Variants in SCFD2 observed in about 807,000 individuals in gnomAD.
SCFD2 encodes sec1 family domain containing 2.
In SCFD2, 54 loss-of-function variants were observed where a neutral mutation model predicts 58.9. That is an observed-to-expected ratio of 0.92 (90% CI 0.74 to 1.15). SCFD2 has a LOEUF of 1.15. SCFD2 is among the 50% of genes most tolerant of loss of function. The pLI, the probability that SCFD2 is intolerant of heterozygous loss-of-function variation, is 0.00. For synonymous variants in SCFD2, 321 were observed against 335.9 expected (o/e 0.96, Z 0.49); for missense variants, 805 against 836.6 (o/e 0.96, Z 0.47).
chr4:53,146,779 AG>A (rs1357558031), intron 4 of SCFD2, among the ~76,000 whole-genome samples: 2 of 152,184 alleles, frequency 1.3e-5, no homozygotes, highest in Non-Finnish European at 2.9e-5. Flanking sequence ...TAAAACTTTT[AG>A]TATAGTATAT....
At chr4:53,118,470 G>A (rs1358625572) in intron 5 of SCFD2, among the ~76,000 whole-genome samples, 1 of 152,160 alleles carries the variant, frequency 6.6e-6, no homozygotes, top group African/African-American at 2.4e-5. Flanking sequence ...TCAAATATTT[G>A]TATCAGAAAA....
chr4:52,987,982 C>G (rs1035322385), intron 5 of SCFD2, among the ~76,000 whole-genome samples: 2 of 152,160 alleles, frequency 1.3e-5, no homozygotes, highest in African/African-American at 4.8e-5. Context: ...CAGGTTGAAA[C>G]GTCTGCGAAG....
At chr4:52,887,657 G>A (rs538526842) in intron 7 of SCFD2, among the ~76,000 whole-genome samples, 58 of 152,288 alleles carry the variant, frequency 3.8e-4, no homozygotes, top group Middle Eastern at 6.8e-3. Context: ...AGCTGCCTGC[G>A]TGGCCACCAA....
At chr4:53,227,296 T>G (rs144577787) in intron 4 of SCFD2, among the ~76,000 whole-genome samples, 297 of 152,220 alleles carry the variant, frequency 2.0e-3, no homozygotes, top group Non-Finnish European at 3.5e-3. Flanking sequence ...AAAATAAATT[T>G]TAAAGAGGAA....
intron 5 of SCFD2, among the ~76,000 whole-genome samples, chr4:53,005,212 C>A (rs527627603): frequency 6.6e-6 from 1 of 152,106 alleles, no homozygotes; most frequent in Non-Finnish European, 1.5e-5. Flanking sequence ...GATTTCTACT[C>A]TTAACTTTGG....
chr4:53,013,897 T>C (rs1722153498), intron 5 of SCFD2, among the ~76,000 whole-genome samples: 1 of 152,208 alleles, frequency 6.6e-6, no homozygotes, highest in Non-Finnish European at 1.5e-5. Context: ...TCCCATCTTA[T>C]GAAAAGGCTT....
intron 4 of SCFD2, among the ~76,000 whole-genome samples, chr4:53,245,381 C>A (rs955794096): frequency 6.6e-6 from 1 of 152,064 alleles, no homozygotes; most frequent in African/African-American, 2.4e-5. Flanking sequence ...AAACTGAATC[C>A]AGAATTACAT....
intron 5 of SCFD2, among the ~76,000 whole-genome samples, chr4:53,080,115 C>G (rs138495195): frequency 1.3e-5 from 2 of 152,086 alleles, no homozygotes; most frequent in African/African-American, 4.8e-5. Flanking sequence ...GTTCTAGCAA[C>G]GAAACATTAC....
chr4:52,932,224 C>T (rs1720014461), intron 5 of SCFD2, among the ~76,000 whole-genome samples: 1 of 152,216 alleles, frequency 6.6e-6, no homozygotes, highest in Admixed American at 6.5e-5. Flanking sequence ...GGTGACACTT[C>T]TGGCTGTGAT....
chr4:52,895,278 A>G (rs12507559), intron 7 of SCFD2, among the ~76,000 whole-genome samples: 126,309 of 151,938 alleles, frequency 0.83, 53,215 homozygotes, highest in East Asian at 1. Flanking sequence ...CCATTAACTC[A>G]TCATTTAGCA....
Position 52,874,021 on chromosome 4 carries a change from A to G in SCFD2, c.2003T>C (p.Ile668Thr). 6.2e-7 allele frequency: 1 copy of G among 1,614,150 alleles called. No homozygotes were observed. Among genetic ancestry groups the G allele is most frequent in the Non-Finnish European group, 8.5e-7 (1 of 1,179,994 alleles). ...GTCAGTTGCAAATAACAGCTCAGGA[A>G]TGTTAAGTGGCTTCAGGAGTCGTGT... ...LSTRLLKPLN[I>T]PELLFATDRL... The change falls in exon 9 of 9, where the codon ATT becomes ACT. Residue 668 changes from isoleucine to threonine, a missense_variant. Transcript: ENST00000401642.
chr4:53,178,458 C>T (rs921743485), intron 4 of SCFD2, among the ~76,000 whole-genome samples: 1 of 152,170 alleles, frequency 6.6e-6, no homozygotes, highest in African/African-American at 2.4e-5. Context: ...AGAAGGAAAA[C>T]TAACAAACAG....
chr4:53,239,425 G>A (rs1729816318), intron 4 of SCFD2, among the ~76,000 whole-genome samples: 1 of 115,294 alleles, frequency 8.7e-6, no homozygotes, highest in Non-Finnish European at 1.8e-5. Flanking sequence ...GGAGAGGAGG[G>A]AGAGGAGGGA....
intron 2 of SCFD2, among the ~76,000 whole-genome samples, chr4:53,341,161 G>A (rs1440392229): frequency 6.6e-6 from 1 of 152,174 alleles, no homozygotes; most frequent in African/African-American, 2.4e-5. Context: ...ACTTCTCCAA[G>A]CTAAAGGAGG....
At chr4:53,111,678 C>T (rs566332391) in intron 5 of SCFD2, among the ~76,000 whole-genome samples, 1 of 152,228 alleles carries the variant, frequency 6.6e-6, no homozygotes, top group South Asian at 2.1e-4. Context: ...AGCAACATTG[C>T]TAATTTTACC....
At chr4:52,980,075 C>A (rs978700940) in intron 5 of SCFD2, among the ~76,000 whole-genome samples, 1 of 152,176 alleles carries the variant, frequency 6.6e-6, no homozygotes, top group Non-Finnish European at 1.5e-5. Flanking sequence ...AATATAATGG[C>A]CTTGCCACCT....
chr4:52,968,810 C>G (rs1721024736), intron 5 of SCFD2, among the ~76,000 whole-genome samples: 1 of 152,026 alleles, frequency 6.6e-6, no homozygotes, highest in African/African-American at 2.4e-5. Flanking sequence ...CATGTGGGGG[C>G]AGCCAAATAT....
intron 5 of SCFD2, among the ~76,000 whole-genome samples, chr4:53,008,445 G>A (rs1488729578): frequency 6.6e-6 from 1 of 152,156 alleles, no homozygotes. Flanking sequence ...AAACTAAAAT[G>A]TGCTTGAGAG....
At chr4:52,896,574 T>C (rs1719020028) in intron 7 of SCFD2, among the ~76,000 whole-genome samples, 2 of 152,202 alleles carry the variant, frequency 1.3e-5, no homozygotes, top group Non-Finnish European at 2.9e-5. Flanking sequence ...CCTTGTAGTA[T>C]AGTTTGAAGT....
Sources: gnomAD v4.1 joint callset for allele counts (sites outside exome capture counted in the v4.1 genomes callset) on GRCh38, gnomAD v4.1.1 for gene constraint, MANE v1.5 for transcripts, NCBI Gene and HGNC (gene_info 2026-07-23, HGNC 2026-07-21) for gene names.